Variants in COBL observed in about 807,000 individuals in gnomAD.
COBL encodes the protein protein cordon-bleu.
In COBL, 51 loss-of-function variants were observed where a neutral mutation model predicts 98.8. That is an observed-to-expected ratio of 0.52 (90% CI 0.41 to 0.65). The LOEUF (loss-of-function observed/expected upper bound fraction) is 0.65. COBL is among the 30% of genes least tolerant of loss of function. The probability of loss-of-function intolerance (pLI) is 0.00; values close to 1 mark genes in which losing one functional copy is unlikely to be tolerated. For synonymous variants in COBL, 634 were observed against 651.7 expected, an observed-to-expected ratio of 0.97 and a Z score of 0.41; for missense variants, 1,617 against 1,617.5, an observed-to-expected ratio of 1.00 and a Z score of 0.01.
chr7:51,112,397 A>C (rs1796913487), intron 6 of COBL, among the ~76,000 whole-genome samples: 1 of 152,198 alleles, frequency 6.6e-6, no homozygotes, highest in African/African-American at 2.4e-5. Flanking sequence ...TTTATGATTA[A>C]TATGTAACTT....
intron 1 of COBL, among the ~76,000 whole-genome samples, chr7:51,258,567 T>C (rs1310682781): frequency 6.6e-6 from 1 of 152,222 alleles, no homozygotes; most frequent in African/African-American, 2.4e-5. Flanking sequence ...CTTTGACCCT[T>C]CCTTTCCAGC....
In COBL at chr7:51,025,105, T is replaced by A. The variant is rs1231962783; in HGVS notation, c.3768+4A>T. On this transcript the variant is annotated splice_donor_region_variant and intron_variant, in intron 12 of 12. Coordinates refer to ENST00000265136, the MANE Select transcript of COBL (RefSeq NM_015198.5). ...TTGAAATGCGCACACACAGTCGCCATCACCTTTCTCAGTCTCGCAGCCCCT... is the reference window on the plus strand; with the variant it reads ...TTGAAATGCGCACACACAGTCGCCAACACCTTTCTCAGTCTCGCAGCCCCT... 6.2e-7 allele frequency: 1 copy of A among 1,611,964 alleles called. No homozygotes were observed.
intron 1 of COBL, among the ~76,000 whole-genome samples, chr7:51,234,117 G>A (rs1291134729): frequency 6.6e-6 from 1 of 152,198 alleles, no homozygotes; most frequent in Non-Finnish European, 1.5e-5. Flanking sequence ...GGTGTTTTCT[G>A]AGCTAAGAGC....
intron 5 of COBL, among the ~76,000 whole-genome samples, chr7:51,162,811 G>A (rs540028191): frequency 3.9e-4 from 59 of 152,324 alleles, no homozygotes; most frequent in Non-Finnish European, 7.1e-4. Flanking sequence ...GCTTGCCCTC[G>A]GCCTCCGCCA....
rs558481553 is a variant in COBL at position 51,184,387 on chromosome 7, T to C, written c.686-188A>G. The stretch of plus-strand genomic sequence containing the variant: ...CAAGTCCTCAGGTCCATTTGGGAAA[T>C]CACTACAGGTTCTTACACAGTCTTT... On this transcript the variant is annotated intron_variant, in intron 4 of 12. Transcript: ENST00000265136. Among the ~76,000 whole-genome samples the C allele has an allele frequency of 1.6e-4, 24 of 152,326 alleles. No individual in the cohort carries two copies. In the South Asian group the frequency reaches 5.0e-3, roughly 32 times the overall value.
At chr7:51,058,440 C>T (rs1446025375) in intron 7 of COBL, among the ~76,000 whole-genome samples, 1 of 152,036 alleles carries the variant, frequency 6.6e-6, no homozygotes, top group African/African-American at 2.4e-5. Context: ...GTAGTCCTAG[C>T]TACTTGGGAG....
chr7:51,169,214 C>T (rs1399137529), intron 5 of COBL, among the ~76,000 whole-genome samples: 1 of 152,162 alleles, frequency 6.6e-6, no homozygotes, highest in African/African-American at 2.4e-5. Flanking sequence ...CAACAGACTG[C>T]CAATCAGAAT....
chr7:51,083,087 C>G, intron 7 of COBL: 1 of 1,535,724 alleles, frequency 6.5e-7, no homozygotes, highest in Non-Finnish European at 8.7e-7. Flanking sequence ...GGCCTCGGAA[C>G]CAGCGCCTTC....
intron 8 of COBL, among the ~76,000 whole-genome samples, chr7:51,043,043 C>A (rs977186169): frequency 6.6e-6 from 1 of 152,154 alleles, no homozygotes; most frequent in East Asian, 1.9e-4. Context: ...AAAACTAGAA[C>A]AATCTAAGTG....
intron 1 of COBL, among the ~76,000 whole-genome samples, chr7:51,292,527 A>G (rs1048568595): frequency 6.6e-6 from 1 of 152,266 alleles, no homozygotes; most frequent in Non-Finnish European, 1.5e-5. Flanking sequence ...TCCTGAAGCC[A>G]GGTATTAGAA....
At chr7:51,058,682 C>T (rs966118843) in intron 7 of COBL, among the ~76,000 whole-genome samples, 7 of 152,166 alleles carry the variant, frequency 4.6e-5, no homozygotes, top group African/African-American at 1.7e-4. Context: ...ATCTGTAAAA[C>T]GGGGATAAGA....
chr7:51,087,206 CA>C (rs1474378493), intron 6 of COBL, among the ~76,000 whole-genome samples: 3 of 151,420 alleles, frequency 2.0e-5, no homozygotes, highest in African/African-American at 2.4e-5. Flanking sequence ...AAAATTATAG[CA>C]AAAGATTTAA....
At chr7:51,171,889 G>A (rs1018670385) in intron 5 of COBL, among the ~76,000 whole-genome samples, 2 of 152,140 alleles carry the variant, frequency 1.3e-5, no homozygotes, top group South Asian at 2.1e-4. Flanking sequence ...TGATACAGAA[G>A]AGTCTTTCCA....
intron 8 of COBL, among the ~76,000 whole-genome samples, chr7:51,039,649 T>G (rs1360074854): frequency 6.6e-6 from 1 of 152,256 alleles, no homozygotes; most frequent in African/African-American, 2.4e-5. Context: ...AATACTTCAG[T>G]AGCGACAAGT....
At chr7:51,131,047 T>C (rs894087994) in intron 6 of COBL, among the ~76,000 whole-genome samples, 2 of 152,224 alleles carry the variant, frequency 1.3e-5, no homozygotes, top group African/African-American at 2.4e-5. Context: ...TTTTGGGTTA[T>C]ACTAATAACT....
At chr7:51,079,956 C>T (rs2128933181) in intron 7 of COBL, among the ~76,000 whole-genome samples, 1 of 152,352 alleles carries the variant, frequency 6.6e-6, no homozygotes, top group African/African-American at 2.4e-5. Context: ...ATGTGGTTTT[C>T]ATGACCAAAT....
chr7:51,033,154 A>G (rs969343496), intron 8 of COBL: 1 of 152,190 alleles, frequency 6.6e-6, no homozygotes, highest in African/African-American at 2.4e-5. Flanking sequence ...AACCCACCCC[A>G]AGCTGATGAA....
chr7:51,187,223 A>G (rs995346939), intron 4 of COBL, among the ~76,000 whole-genome samples: 1 of 151,798 alleles, frequency 6.6e-6, no homozygotes, highest in African/African-American at 2.4e-5. Flanking sequence ...GGCCATAAGG[A>G]GTAAATGGAA....
chr7:51,056,403 C>T (rs567265562), intron 7 of COBL, among the ~76,000 whole-genome samples: 1 of 152,038 alleles, frequency 6.6e-6, no homozygotes, highest in South Asian at 2.1e-4. Flanking sequence ...GTGCCTGTAT[C>T]GTCACCGGGG....
Sources: allele counts gnomAD v4.1 joint callset (sites outside exome capture counted in the v4.1 genomes callset), GRCh38; gene constraint gnomAD v4.1.1; transcripts MANE v1.5; gene names NCBI Gene and HGNC (gene_info 2026-07-23, HGNC 2026-07-21).